WDR46: variants seen among roughly 807,000 people sequenced by gnomAD.
The protein encoded by WDR46 is WD repeat domain 46.
In WDR46, 58 loss-of-function variants were observed where a neutral mutation model predicts 74.7. That is an observed-to-expected ratio of 0.78 (90% CI 0.63 to 0.97). The LOEUF (loss-of-function observed/expected upper bound fraction) is 0.97. Among genes scored for constraint, WDR46 ranks in the 50% least tolerant of loss-of-function variants. The probability of loss-of-function intolerance (pLI) is 0.00; values close to 1 mark genes in which losing one functional copy is unlikely to be tolerated. For missense variants in WDR46, 702 were observed against 790.1 expected (o/e 0.89, Z 1.34); for synonymous variants, 278 against 297.3 (o/e 0.93, Z 0.67).
chr6:33,288,508 C>T (rs1287347965), intron 3 of WDR46, 38 bp from the exon 4 acceptor site: 1 of 1,612,532 alleles, frequency 6.2e-7, no homozygotes, highest in Admixed American at 1.7e-5. Flanking sequence ...GCAGAAGAAC[C>T]ACAGGATAAG....
intron 12 of WDR46, among the ~76,000 whole-genome samples, chr6:33,280,212 G>C (rs1009984060): frequency 3.4e-5 from 5 of 149,134 alleles, no homozygotes; most frequent in African/African-American, 1.2e-4. Flanking sequence ...CCCCGTCCAG[G>C]AGAGGGGAAT....
intron 10 of WDR46, among the ~76,000 whole-genome samples, chr6:33,285,869 A>G (rs186246149): frequency 0.018 from 2,559 of 143,182 alleles, 182 homozygotes; most frequent in Admixed American, 0.13. Flanking sequence ...GGCCAGGCGC[A>G]GTGGCTCACG....
intron 6 of WDR46, 51 bp from the exon 7 acceptor site, chr6:33,287,769 C>G: frequency 6.2e-7 from 1 of 1,603,402 alleles, no homozygotes; most frequent in Non-Finnish European, 8.5e-7. Context: ...ACCACCGACT[C>G]AGACAACTTG....
In WDR46 at chr6:33,279,517, C is replaced by T. The variant is rs1562609758; in HGVS notation, c.1714G>A (p.Val572Ile). Residue 572 changes from valine to isoleucine, a missense_variant, in exon 14 of 15, where the codon GTC (valine) becomes ATC (isoleucine). Physicochemically the swap from Val to Ile is conservative, Grantham distance 29 (BLOSUM62 3). Coordinates refer to ENST00000374617, the MANE Select transcript of WDR46 (RefSeq NM_005452.6). ...TTTACCCTGTGTTCCTCATCCATGACCTTCCTCTTCCTCTTCACCAGGCTT... is the reference window on the plus strand; with the variant it reads ...TTTACCCTGTGTTCCTCATCCATGATCTTCCTCTTCCTCTTCACCAGGCTT... ...TASLVKRKRK[V>I]MDEEHRDKVR... The T allele has an allele frequency of 6.2e-7, 1 of 1,613,612 alleles. No homozygotes were observed. The highest frequency in any genetic ancestry group is 1.7e-5 in the Admixed American group (1 of 60,016).
At chr6:33,279,435 C>T in intron 14 of WDR46, 61 bp from the exon 15 acceptor site, 3 of 1,610,862 alleles carry the variant, frequency 1.9e-6, no homozygotes, top group Non-Finnish European at 2.5e-6. Context: ...CTGACAAGGG[C>T]AGAGGCACAA....
rs1320590244 is a variant in WDR46, at chr6:33,287,965, C to T, written c.623G>A (p.Arg208Lys). ...PYRLNYSRTG[R>K]HLAFGGRRGH... ...AAGAGTCACTAGAATTCAACCTTAC[C>T]TTCCAGTTCGAGAGTAGTTTAGTCT... Residue 208 changes from arginine to lysine, a missense_variant and splice_region_variant, in exon 6 of 15, where the codon AGA (arginine) becomes AAA (lysine). By Grantham distance (26) the Arg-to-Lys change is conservative. Transcript: ENST00000374617. 19 of 1,614,092 alleles carry T rather than the reference C, an allele frequency of 1.2e-5. No homozygotes were observed. Among genetic ancestry groups the T allele is most frequent in the Non-Finnish European group, 1.6e-5 (19 of 1,179,950 alleles).
chr6:33,283,142 G>T (rs1377147391), intron 10 of WDR46, among the ~76,000 whole-genome samples: 1 of 152,108 alleles, frequency 6.6e-6, no homozygotes, highest in Non-Finnish European at 1.5e-5. Context: ...CCAGGAGGTG[G>T]AGGTTGCAGT....
intron 10 of WDR46, among the ~76,000 whole-genome samples, chr6:33,285,565 C>T (rs1766545121): frequency 6.6e-6 from 1 of 152,016 alleles, no homozygotes; most frequent in South Asian, 2.1e-4. Context: ...CTCTTGTTGC[C>T]CAGGTTGGAG....
At position 33,287,019 on chromosome 6, in the gene WDR46, G is replaced by T. The variant is rs780771980; in HGVS notation, c.1015+72C>A. ...GGGAAATAAAAGGGTAACTTTAAGG[G>T]ACTCATGAAGTACAAATATAGAAGA... is the stretch of plus-strand genomic sequence containing the variant. On this transcript the variant is annotated intron_variant, in intron 9 of 14. Coordinates refer to ENST00000374617, the MANE Select transcript of WDR46 (RefSeq NM_005452.6). 6.3e-6 allele frequency: 10 copies of T among 1,589,510 alleles called. No homozygotes were observed. In the African/African-American group the frequency reaches 1.2e-4, roughly 19 times the overall value.
intron 10 of WDR46, among the ~76,000 whole-genome samples, chr6:33,286,477 C>T (rs559272204): frequency 6.6e-6 from 1 of 152,198 alleles, no homozygotes; most frequent in Admixed American, 6.5e-5. Context: ...TTTGTTTTCT[C>T]TTGGTATTTA....
Position 33,280,683 on chromosome 6 carries a change from G to C in WDR46, c.1420C>G (p.Leu474Val). The change falls in exon 11 of 15, where the codon CTG (leucine) becomes GTG (valine). Residue 474 changes from leucine to valine, a missense_variant. Transcript: ENST00000374617. The stretch of plus-strand genomic sequence containing the variant: ...CCCCTGGCCCACTCACCAGGGACCA[G>C]CATGCTGGTGATGCCCCCAGTGTGC... ...VGHTGGITSM[L>V]VPGAGEPNFD... 6.3e-7 allele frequency: 1 copy of C among 1,583,296 alleles called. No individual in the cohort carries two copies. The highest frequency in any genetic ancestry group is 1.3e-5 in the African/African-American group (1 of 74,570).
intron 10 of WDR46, among the ~76,000 whole-genome samples, chr6:33,281,413 C>T (rs539593638): frequency 5.9e-5 from 9 of 152,242 alleles, no homozygotes; most frequent in Non-Finnish European, 1.0e-4. Context: ...AGAAAGGCTT[C>T]ATGGGAAAGG....
chr6:33,281,458 A>G (rs895524744), intron 10 of WDR46, among the ~76,000 whole-genome samples: 1 of 152,212 alleles, frequency 6.6e-6, no homozygotes, highest in African/African-American at 2.4e-5. Flanking sequence ...TTCTCAAAAA[A>G]TTACAGGAAG....
chr6:33,287,327 C>T, intron 8 of WDR46, 28 bp downstream of exon 8: 1 of 1,612,812 alleles, frequency 6.2e-7, no homozygotes, highest in Non-Finnish European at 8.5e-7. Context: ...GGGCTTCCAA[C>T]CAGTTCCTGA....
chr6:33,289,045 C>G, intron 1 of WDR46, 32 bp from the exon 2 acceptor site: 1 of 1,611,096 alleles, frequency 6.2e-7, no homozygotes, highest in South Asian at 1.1e-5. Flanking sequence ...CGCACTCACG[C>G]CCCGCCCCCC....
At position 33,287,506 on chromosome 6, in the gene WDR46, C is replaced by A; in HGVS notation, c.729-1G>T. 12 of 1,613,380 alleles carry A rather than the reference C, an allele frequency of 7.4e-6. No individual in the cohort carries two copies. Among genetic ancestry groups the A allele is most frequent in the Non-Finnish European group, 1.0e-5 (12 of 1,179,904 alleles). ...AAGCAGTGCCTCAGAATGGAGAAAC[C>A]TGGGGGAGAGGAAGAGTGGTTCAAT... On this transcript the variant is annotated splice_acceptor_variant, in intron 7 of 14. Coordinates refer to ENST00000374617, the MANE Select transcript of WDR46 (RefSeq NM_005452.6). LOFTEE classifies it high-confidence loss of function.
chr6:33,287,753 CAG>C, intron 6 of WDR46, 35 bp from the exon 7 acceptor site: 1 of 1,609,130 alleles, frequency 6.2e-7, no homozygotes, highest in Non-Finnish European at 8.5e-7. Flanking sequence ...GGTGTTAAGG[CAG>C]GGGACCACCG....
At position 33,279,765 on chromosome 6, in the gene WDR46, A is replaced by G. The variant is rs1402313414; in HGVS notation, c.1619T>C (p.Leu540Pro). 3 of 1,614,024 alleles carry G rather than the reference A, an allele frequency of 1.9e-6. No homozygotes were observed. The East Asian group carries it at 6.7e-5, about 36-fold the overall frequency. ...GGCATTCAGGGGCCTGCTCCATACC[A>G]GCCTCTCTATCTGCTCCTTCTTTCC... ...EQGKKEQIER[L>P]GYDPQAKAPF... Residue 540 changes from leucine (L) to proline (P), a missense_variant and splice_region_variant, in exon 13 of 15, where the codon CTG becomes CCG. Physicochemically the swap from Leu to Pro is moderately conservative, Grantham distance 98 (BLOSUM62 -3). Transcript: ENST00000374617.
At chr6:33,281,381 G>A (rs575426735) in intron 10 of WDR46, among the ~76,000 whole-genome samples, 5 of 152,050 alleles carry the variant, frequency 3.3e-5, no homozygotes, top group East Asian at 1.9e-4. Flanking sequence ...CCCAGCAAGG[G>A]GAAGGAGCAT....
Sources: gnomAD v4.1 joint callset for allele counts (sites outside exome capture counted in the v4.1 genomes callset) on GRCh38, gnomAD v4.1.1 for gene constraint, MANE v1.5 for transcripts, NCBI Gene and HGNC (gene_info 2026-07-23, HGNC 2026-07-21) for gene names.